CCDC171: variants seen among roughly 807,000 people sequenced by gnomAD.
CCDC171 encodes coiled-coil domain containing 171, also known as coiled-coil domain-containing protein 171.
Under a neutral mutation model 168.2 loss-of-function variants are expected in CCDC171, and 177 were observed. The observed-to-expected ratio is 1.05, with a 90% confidence interval of 0.93 to 1.19. The LOEUF is 1.19. Among genes scored for constraint, CCDC171 ranks in the 50% most tolerant of loss-of-function variants. The probability of loss-of-function intolerance (pLI) is 0.00; values close to 1 mark genes in which losing one functional copy is unlikely to be tolerated. For synonymous variants in CCDC171, 687 were observed against 540.8 expected, an observed-to-expected ratio of 1.27 and a Z score of -3.75; for missense variants, 1,991 against 1,539.0, an observed-to-expected ratio of 1.29 and a Z score of -4.91.
chr9:16,044,465 G>A (rs1833622602), intron 1 of CCDC171, among the ~76,000 whole-genome samples: 1 of 147,236 alleles, frequency 6.8e-6, no homozygotes, highest in Admixed American at 6.9e-5. Context: ...AGTGGACTTT[G>A]GTGAAAAACC....
chr9:15,987,548 G>A lies in CCDC171; in HGVS notation n.369-33041G>A, dbSNP rs539084935. The stretch of plus-strand genomic sequence containing the variant: ...TCAGTTCCCAGAAAAATGAATACAA[G>A]ATTGACTGTAGCCTTGTTGGCAGTA... On this transcript the variant is annotated intron_variant and non_coding_transcript_variant, in intron 3 of 9. Coordinates refer to the CCDC171 transcript ENST00000486641. Among the ~76,000 whole-genome samples, 7 of 152,208 alleles carry A rather than the reference G, an allele frequency of 4.6e-5. No individual in the cohort carries two copies. The South Asian group carries it at 1.5e-3, about 32-fold the overall frequency.
intron 16 of CCDC171, among the ~76,000 whole-genome samples, chr9:15,743,072 C>A (rs575021775): frequency 1.3e-5 from 2 of 150,986 alleles, no homozygotes; most frequent in Non-Finnish European, 2.9e-5. Context: ...AGCCCTTATG[C>A]CTGGCCCCAA....
At position 15,784,491 on chromosome 9, in the gene CCDC171, C is replaced by T; in HGVS notation, c.3082-18C>T. ...AGTTAGCTTTATAACTGATTCTCCC[C>T]TCTCCTCCTTTTTACAGAAATTGAT... On this transcript the variant is annotated intron_variant, in intron 20 of 25. Coordinates refer to ENST00000380701, the MANE Select transcript of CCDC171 (RefSeq NM_173550.4). 3 of 1,570,758 alleles carry T rather than the reference C, an allele frequency of 1.9e-6. No homozygotes were observed. Among genetic ancestry groups the T allele is most frequent in the Non-Finnish European group, 2.6e-6 (3 of 1,143,986 alleles).
intron 21 of CCDC171, among the ~76,000 whole-genome samples, chr9:15,799,812 C>G (rs1588575229): frequency 6.6e-6 from 1 of 152,022 alleles, no homozygotes; most frequent in Non-Finnish European, 1.5e-5. Flanking sequence ...CTTCTACTGT[C>G]TATCTCCATG....
chr9:15,694,972 TTG>T (rs1430086348), intron 10 of CCDC171, among the ~76,000 whole-genome samples: 2 of 152,196 alleles, frequency 1.3e-5, no homozygotes, highest in African/African-American at 4.8e-5. Context: ...CATAGGGTTA[TTG>T]TGAGGATAAA....
At chr9:15,830,089 C>G (rs16933670) in intron 21 of CCDC171, among the ~76,000 whole-genome samples, 1 of 152,140 alleles carries the variant, frequency 6.6e-6, no homozygotes, top group Admixed American at 6.5e-5. Flanking sequence ...CAAGCAGTGA[C>G]AACAACTGGT....
chr9:15,679,193 G>A (rs2049865268), intron 10 of CCDC171, among the ~76,000 whole-genome samples: 1 of 151,986 alleles, frequency 6.6e-6, no homozygotes, highest in Non-Finnish European at 1.5e-5. Context: ...GTATTACTTA[G>A]ATTAAGGGTG....
At chr9:15,611,317 A>T (rs141117822) in intron 6 of CCDC171, among the ~76,000 whole-genome samples, 28 of 152,298 alleles carry the variant, frequency 1.8e-4, no homozygotes, top group African/African-American at 5.5e-4. Flanking sequence ...CTTTATAGCC[A>T]TGCAGGAACA....
intron 23 of CCDC171, among the ~76,000 whole-genome samples, chr9:15,865,955 A>G (rs2061767662): frequency 6.6e-6 from 1 of 151,976 alleles, no homozygotes; most frequent in African/African-American, 2.4e-5. Flanking sequence ...GTTTCTTAGA[A>G]GAAAACTAAT....
chr9:15,731,750 T>C (rs1357406687), intron 16 of CCDC171, among the ~76,000 whole-genome samples: 1 of 152,104 alleles, frequency 6.6e-6, no homozygotes, highest in Non-Finnish European at 1.5e-5. Context: ...GATATATGTG[T>C]GTTCATAAGA....
At chr9:15,628,637 A>T (rs919852501) in intron 7 of CCDC171, among the ~76,000 whole-genome samples, 3 of 152,242 alleles carry the variant, frequency 2.0e-5, no homozygotes, top group African/African-American at 7.2e-5. Context: ...TAACCTCTGC[A>T]GACTTAAATG....
chr9:15,604,797 G>T (rs561870355), intron 6 of CCDC171, among the ~76,000 whole-genome samples: 9 of 152,160 alleles, frequency 5.9e-5, no homozygotes, highest in Non-Finnish European at 1.3e-4. Context: ...AGGAAGTTAC[G>T]TGAAAAGAAA....
chr9:15,984,266 A>G (rs1280136945), intron 3 of CCDC171, among the ~76,000 whole-genome samples: 4 of 85,372 alleles, frequency 4.7e-5, no homozygotes, highest in African/African-American at 1.0e-4. Context: ...CAGTGGATGC[A>G]TATAGCTTCA....
intron 21 of CCDC171, among the ~76,000 whole-genome samples, chr9:15,804,679 A>G (rs1487805424): frequency 1.3e-5 from 2 of 152,184 alleles, no homozygotes; most frequent in East Asian, 3.9e-4. Context: ...CATTAAGAAT[A>G]TTAGCCTGGA....
intron 24 of CCDC171, among the ~76,000 whole-genome samples, chr9:15,900,993 A>G (rs1821565563): frequency 6.6e-6 from 1 of 152,152 alleles, no homozygotes; most frequent in Non-Finnish European, 1.5e-5. Context: ...GCACACTCTT[A>G]TTTTTAAGTC....
intron 24 of CCDC171, chr9:15,874,957 A>T (rs1307942463): frequency 5.4e-6 from 1 of 186,310 alleles, no homozygotes; most frequent in Admixed American, 6.1e-5. Flanking sequence ...GCAGAGGACA[A>T]TAAGACACTA....
intron 24 of CCDC171, among the ~76,000 whole-genome samples, chr9:15,909,020 A>G (rs950348196): frequency 6.6e-6 from 1 of 152,234 alleles, no homozygotes; most frequent in Non-Finnish European, 1.5e-5. Flanking sequence ...TTAACCATGT[A>G]TCATGGGTGA....
the CCDC171 span, among the ~76,000 whole-genome samples, chr9:16,081,815 G>T: frequency 6.6e-6 from 1 of 151,872 alleles, no homozygotes; most frequent in Non-Finnish European, 1.5e-5. Flanking sequence ...GGCTGTATTT[G>T]TATAATGCAG....
intron 7 of CCDC171, among the ~76,000 whole-genome samples, chr9:15,635,688 C>A (rs759383996): frequency 1.3e-5 from 2 of 152,186 alleles, no homozygotes; most frequent in Non-Finnish European, 2.9e-5. Flanking sequence ...AGTTGACACT[C>A]GGTATTAACC....
Sources: allele counts gnomAD v4.1 joint callset (sites outside exome capture counted in the v4.1 genomes callset), GRCh38; gene constraint gnomAD v4.1.1; transcripts MANE v1.5; gene names NCBI Gene and HGNC (gene_info 2026-07-23, HGNC 2026-07-21).